Variants in ATOH8 observed in about 807,000 individuals in gnomAD.
ATOH8 encodes transcription factor ATOH8.
A neutral mutation model predicts 21.2 loss-of-function variants in ATOH8; 9 were observed. That is an observed-to-expected ratio of 0.42 (90% CI 0.26 to 0.74). ATOH8 has a LOEUF of 0.74. Ranked by LOEUF, ATOH8 falls within the 30% of genes least tolerant of loss-of-function variation. ATOH8 has a pLI of 0.24. For synonymous variants in ATOH8, 253 were observed against 224.0 expected, an observed-to-expected ratio of 1.13 and a Z score of -1.16; for missense variants, 524 against 470.9, an observed-to-expected ratio of 1.11 and a Z score of -1.04.
intron 2 of ATOH8, among the ~76,000 whole-genome samples, chr2:85,771,694 G>A (rs896294394): frequency 3.3e-5 from 5 of 152,220 alleles, no homozygotes; most frequent in Admixed American, 2.6e-4. Context: ...TGCATAACAT[G>A]TGGTCATATA....
At chr2:85,758,076 T>C (rs1679766861) in intron 1 of ATOH8, among the ~76,000 whole-genome samples, 1 of 152,186 alleles carries the variant, frequency 6.6e-6, no homozygotes, top group African/African-American at 2.4e-5. Flanking sequence ...CATGAGCCAC[T>C]GTGCACAGCC....
intron 2 of ATOH8, among the ~76,000 whole-genome samples, chr2:85,781,928 A>T (rs1229877272): frequency 5.9e-5 from 9 of 152,160 alleles, no homozygotes; most frequent in Non-Finnish European, 1.3e-4. Context: ...GAGGAAACTG[A>T]GGCTTGGAGA....
At chr2:85,783,421 A>T (rs1680546801) in intron 2 of ATOH8, among the ~76,000 whole-genome samples, 1 of 152,104 alleles carries the variant, frequency 6.6e-6, no homozygotes, top group Admixed American at 6.5e-5. Context: ...ACAAAAAATT[A>T]GCCGGGTGTG....
intron 2 of ATOH8, among the ~76,000 whole-genome samples, chr2:85,779,823 G>T (rs575519992): frequency 6.6e-6 from 1 of 152,190 alleles, no homozygotes; most frequent in African/African-American, 2.4e-5. Flanking sequence ...AGTGTGGCAC[G>T]GTGCCTGGCA....
intron 2 of ATOH8, among the ~76,000 whole-genome samples, chr2:85,771,295 C>T (rs916130425): frequency 5.3e-5 from 8 of 152,198 alleles, no homozygotes; most frequent in Non-Finnish European, 1.0e-4. Flanking sequence ...TTTGACCTCT[C>T]TGATCCCCAG....
chr2:85,778,264 G>A (rs966604980), intron 2 of ATOH8, among the ~76,000 whole-genome samples: 1 of 152,206 alleles, frequency 6.6e-6, no homozygotes, highest in Non-Finnish European at 1.5e-5. Flanking sequence ...TAACCACTGT[G>A]CTGGATTGTT....
At chr2:85,780,902 C>T in intron 2 of ATOH8, 1 of 986,230 alleles carries the variant, frequency 1.0e-6, no homozygotes, top group Non-Finnish European at 1.2e-6. Context: ...GCCTGTCACC[C>T]ATGGCACCCA....
At chr2:85,786,128 C>G (rs1680615986) in intron 2 of ATOH8, among the ~76,000 whole-genome samples, 1 of 152,226 alleles carries the variant, frequency 6.6e-6, no homozygotes, top group Non-Finnish European at 1.5e-5. Flanking sequence ...TAAAGGTGGT[C>G]TAACCCAGCA....
At chr2:85,777,754 C>G (rs926518595) in intron 2 of ATOH8, among the ~76,000 whole-genome samples, 1 of 152,196 alleles carries the variant, frequency 6.6e-6, no homozygotes, top group African/African-American at 2.4e-5. Context: ...CTGGGCTTCT[C>G]GTCTGTTTTG....
intron 1 of ATOH8, among the ~76,000 whole-genome samples, chr2:85,762,476 G>A (rs1679895385): frequency 3.3e-5 from 5 of 152,224 alleles, no homozygotes; most frequent in African/African-American, 1.2e-4. Context: ...GGCAGGACCT[G>A]TGCTAGGCAC....
At chr2:85,773,377 G>C (rs4832012) in intron 2 of ATOH8, 64,435 of 155,672 alleles carry the variant, frequency 0.41, 14,434 homozygotes, top group Non-Finnish European at 0.5. Flanking sequence ...CCTGTCAGGG[G>C]CTGTGGGGTC....
chr2:85,772,701 G>A (rs1417122771), intron 2 of ATOH8: 1 of 456,674 alleles, frequency 2.2e-6, no homozygotes, highest in African/African-American at 2.0e-5. Context: ...TTCTTTGTGA[G>A]AGAGGAAACT....
At chr2:85,775,160 C>G in intron 2 of ATOH8, 1 of 949,598 alleles carries the variant, frequency 1.1e-6, no homozygotes, top group Non-Finnish European at 1.3e-6. Flanking sequence ...GATATTACAT[C>G]CCATGACACT....
rs1484317251 is a variant in ATOH8, at chr2:85,785,865, G to C, written c.961-1020G>C. On this transcript the variant is annotated intron_variant, in intron 2 of 2. Coordinates refer to ENST00000306279, the MANE Select transcript of ATOH8 (RefSeq NM_032827.7). The surrounding 1 kb of genome is among the most constrained non-coding windows in gnomAD (Gnocchi z 4.1). Reference sequence around the variant, plus strand: ...GAGGGTTGGAGCACGAATCAAAAGGGTGTTTGGAGTTGCTTTAAGAGGGTT... The same window carrying C: ...GAGGGTTGGAGCACGAATCAAAAGGCTGTTTGGAGTTGCTTTAAGAGGGTT... 6.6e-6 allele frequency among the ~76,000 whole-genome samples: 1 copy of C among 152,164 alleles called. No individual in the cohort carries two copies. The highest frequency in any genetic ancestry group is 1.5e-5 in the Non-Finnish European group (1 of 68,034).
At position 85,754,548 on chromosome 2, in the gene ATOH8, G is replaced by A. The variant is rs990545306; in HGVS notation, c.359G>A (p.Gly120Glu). The change falls in exon 1 of 3, where the codon GGA (glycine) becomes GAA (glutamate). Residue 120 changes from glycine to glutamate, a missense_variant. Transcript: ENST00000306279. ...RCFALGAVGPGLPTPPPPPPP... is the reference protein window; with the variant it reads ...RCFALGAVGPELPTPPPPPPP... ...TTCGCCCTAGGCGCAGTGGGGCCAG[G>A]ACTCCCCACGCCGCCGCCGCCGCCG... 3 of 1,439,142 alleles carry A rather than the reference G, an allele frequency of 2.1e-6. No homozygotes were observed. The African/African-American group carries it at 4.5e-5, about 22-fold the overall frequency. The allele number at this position is 1,439,142 out of a possible 1,614,324, so 89.1% of individuals were successfully genotyped here.
intron 2 of ATOH8, among the ~76,000 whole-genome samples, chr2:85,783,857 G>C (rs1188435904): frequency 1.4e-5 from 2 of 145,702 alleles, no homozygotes; most frequent in Non-Finnish European, 1.5e-5. Context: ...TGCACCCCCC[G>C]CCCCCCACAC....
At chr2:85,759,547 T>G (rs1288641949) in intron 1 of ATOH8, among the ~76,000 whole-genome samples, 1 of 152,154 alleles carries the variant, frequency 6.6e-6, no homozygotes, top group East Asian at 1.9e-4. Context: ...GCTATAGCTC[T>G]TAACCACCAA....
chr2:85,763,821 C>CGTGT (rs61491730), intron 1 of ATOH8, among the ~76,000 whole-genome samples, 170 bp from the exon 2 acceptor site: 35,437 of 143,638 alleles, frequency 0.25, 4,548 homozygotes, highest in East Asian at 0.4. Context: ...GATGAGCTGA[C>CGTGT]GTGTGTGTGT....
intron 2 of ATOH8, chr2:85,774,209 C>T: frequency 1.0e-6 from 1 of 985,514 alleles, no homozygotes; most frequent in Non-Finnish European, 1.2e-6. Context: ...AACCACTGTC[C>T]CCAGCCCCTG....
Sources: gnomAD v4.1 joint callset for allele counts (sites outside exome capture counted in the v4.1 genomes callset) on GRCh38, gnomAD v4.1.1 for gene constraint, Gnocchi (gnomAD v3.1) non-coding constraint, MANE v1.5 for transcripts, NCBI Gene and HGNC (gene_info 2026-07-23, HGNC 2026-07-21) for gene names.